ASCC3: variants seen among roughly 807,000 people sequenced by gnomAD.
The protein encoded by ASCC3 is ASC-1 complex subunit P200.
Under a neutral mutation model 256.3 loss-of-function variants are expected in ASCC3, and 158 were observed. The ratio of observed to expected loss-of-function variants is 0.62; its 90% CI spans 0.54 to 0.70. ASCC3 has a LOEUF of 0.70. Among genes scored for constraint, ASCC3 ranks in the 30% least tolerant of loss-of-function variants. The probability of loss-of-function intolerance (pLI) is 0.00; values close to 1 mark genes in which losing one functional copy is unlikely to be tolerated. For missense variants in ASCC3, 2,259 were observed against 2,626.0 expected (o/e 0.86, Z 3.05); for synonymous variants, 948 against 883.4 (o/e 1.07, Z -1.30).
chr6:100,857,900 A>ACC (rs900016197), intron 3 of ASCC3: 1 of 151,414 alleles, frequency 6.6e-6, no homozygotes, highest in Non-Finnish European at 1.5e-5. Context: ...ACACACACAC[A>ACC]CACCCTCAAA....
intron 24 of ASCC3, 49 bp from the exon 25 acceptor site, chr6:100,638,870 A>G: frequency 4.5e-6 from 6 of 1,332,372 alleles, no homozygotes; most frequent in Non-Finnish European, 6.5e-6. Context: ...AAACACGCAT[A>G]ATACTGAATA....
intron 25 of ASCC3, among the ~76,000 whole-genome samples, chr6:100,634,483 G>A (rs918574556): frequency 1.3e-5 from 2 of 151,966 alleles, no homozygotes; most frequent in Non-Finnish European, 2.9e-5. Context: ...GAGGATAAGC[G>A]GGGACTAAAT....
At chr6:100,541,153 C>G (rs1775441940) in intron 36 of ASCC3, among the ~76,000 whole-genome samples, 1 of 151,894 alleles carries the variant, frequency 6.6e-6, no homozygotes, top group African/African-American at 2.4e-5. Context: ...TCATATTTTT[C>G]CAAATATGTA....
At chr6:100,572,735 AGTT>A (rs925675164) in intron 36 of ASCC3, among the ~76,000 whole-genome samples, 11 of 152,088 alleles carry the variant, frequency 7.2e-5, no homozygotes, top group East Asian at 1.9e-4. Context: ...GTGTTAACAT[AGTT>A]GTTGTTGTTG....
chr6:100,585,978 C>T (rs529350217), intron 36 of ASCC3, among the ~76,000 whole-genome samples: 50 of 152,246 alleles, frequency 3.3e-4, no homozygotes, highest in East Asian at 1.5e-3. Flanking sequence ...TGTGAGTTGT[C>T]AGTCTGCTCC....
intron 40 of ASCC3, 81 bp from the exon 41 acceptor site, chr6:100,510,188 C>T: frequency 1.4e-6 from 2 of 1,469,024 alleles, no homozygotes; most frequent in Non-Finnish European, 1.9e-6. Flanking sequence ...GCTACGTTGT[C>T]TTACTTGAAG....
intron 13 of ASCC3, among the ~76,000 whole-genome samples, chr6:100,687,420 G>A (rs1777632063): frequency 6.6e-6 from 1 of 152,014 alleles, no homozygotes; most frequent in Admixed American, 6.6e-5. Flanking sequence ...GGAGTGCAGT[G>A]GCGTGATCTC....
chr6:100,842,019 A>G (rs1270315460), intron 4 of ASCC3, among the ~76,000 whole-genome samples: 1 of 152,160 alleles, frequency 6.6e-6, no homozygotes, highest in Admixed American at 6.6e-5. Context: ...ATAATTTTCA[A>G]TTCAGGCAGC....
At chr6:100,620,514 C>T (rs1347948627) in intron 30 of ASCC3, among the ~76,000 whole-genome samples, 1 of 152,102 alleles carries the variant, frequency 6.6e-6, no homozygotes, top group Non-Finnish European at 1.5e-5. Context: ...TCTTCTTAGT[C>T]ATATTCTCTC....
chr6:100,511,054 A>C lies in ASCC3; in HGVS notation c.6286-947T>G, dbSNP rs764671147. On this transcript the variant is annotated intron_variant, in intron 40 of 41. Transcript: ENST00000369162. Reference sequence around the variant, plus strand: ...AATCATAGTTTTCCCCCATGATTTTATCTTTATGATTGTTGCTATTTTTAT... The same window carrying C: ...AATCATAGTTTTCCCCCATGATTTTCTCTTTATGATTGTTGCTATTTTTAT... Among the ~76,000 whole-genome samples the C allele has an allele frequency of 8.1e-4, 123 of 152,194 alleles. 1 individual carries two copies. Among genetic ancestry groups the C allele is most frequent in the Non-Finnish European group, 2.9e-4 (20 of 68,030 alleles).
chr6:100,510,518 AAAAC>A (rs750750555), intron 40 of ASCC3, among the ~76,000 whole-genome samples: 2 of 152,208 alleles, frequency 1.3e-5, no homozygotes, highest in Non-Finnish European at 2.9e-5. Context: ...AATGCTTAAG[AAAAC>A]AAACAAACAA....
At chr6:100,509,781 G>C (rs1414722017) in intron 41 of ASCC3, 151 bp downstream of exon 41, 10 of 814,022 alleles carry the variant, frequency 1.2e-5, no homozygotes, top group South Asian at 1.8e-5. Flanking sequence ...CCAGCTACTC[G>C]GGAGGCTGAG....
chr6:100,679,843 T>TTAAGCTG, intron 13 of ASCC3, 91 bp from the exon 14 acceptor site: 1 of 1,388,868 alleles, frequency 7.2e-7, no homozygotes, highest in Non-Finnish European at 1.0e-6. Context: ...TAAACAACTA[T>TTAAGCTG]TAATTTCTCA....
At chr6:100,797,293 T>C (rs1301104170) in intron 8 of ASCC3, among the ~76,000 whole-genome samples, 1 of 151,584 alleles carries the variant, frequency 6.6e-6, no homozygotes. Flanking sequence ...CTACCAAAAA[T>C]ACAAAAATTA....
At chr6:100,634,042 T>G (rs574061649) in intron 25 of ASCC3, among the ~76,000 whole-genome samples, 2 of 152,320 alleles carry the variant, frequency 1.3e-5, no homozygotes, top group South Asian at 4.1e-4. Flanking sequence ...TTTAGTACAC[T>G]TTTCTTAAGT....
intron 36 of ASCC3, among the ~76,000 whole-genome samples, chr6:100,559,571 T>TG (rs1180004818): frequency 1.3e-5 from 2 of 152,102 alleles, no homozygotes; most frequent in Non-Finnish European, 2.9e-5. Flanking sequence ...GTTACAGGGC[T>TG]GGGCATGGTG....
chr6:100,849,917 T>G (rs62422111), intron 3 of ASCC3, among the ~76,000 whole-genome samples: 3 of 151,426 alleles, frequency 2.0e-5, no homozygotes, highest in African/African-American at 4.8e-5. Flanking sequence ...CTGGCCAACA[T>G]GGTGAAATCC....
In ASCC3 at chr6:100,642,203, A is replaced by T. The variant is rs868110184; in HGVS notation, c.3901+378T>A. Among the ~76,000 whole-genome samples, 5 of 152,060 alleles carry T rather than the reference A, an allele frequency of 3.3e-5. No homozygotes were observed. The South Asian group carries it at 1.0e-3, about 32-fold the overall frequency. ...AATATAAAGGGTAGATGTTATTTGC[A>T]GGACACAAACTCACTTGAGGTATGT... On this transcript the variant is annotated intron_variant, in intron 24 of 41. Transcript: ENST00000369162.
intron 4 of ASCC3, among the ~76,000 whole-genome samples, chr6:100,816,390 C>A (rs1770748115): frequency 6.6e-6 from 1 of 152,064 alleles, no homozygotes; most frequent in African/African-American, 2.4e-5. Flanking sequence ...CCACTCGACC[C>A]AGCAATTCTA....
Sources: gnomAD v4.1 joint callset for allele counts (sites outside exome capture counted in the v4.1 genomes callset) on GRCh38, gnomAD v4.1.1 for gene constraint, MANE v1.5 for transcripts, NCBI Gene and HGNC (gene_info 2026-07-23, HGNC 2026-07-21) for gene names.